The following CFAP299 variants were observed in gnomAD, a reference collection of about 807,000 sequenced individuals.
The protein encoded by CFAP299 is cilia and flagella associated protein 299.
In CFAP299, 21 loss-of-function variants were observed where a neutral mutation model predicts 27.0. The observed-to-expected ratio is 0.78, with a 90% confidence interval of 0.55 to 1.12. CFAP299 has a LOEUF of 1.12. CFAP299 is among the 50% of genes most tolerant of loss of function. The pLI is 0.00. For synonymous variants in CFAP299, 104 were observed against 98.1 expected (o/e 1.06, Z -0.36); for missense variants, 310 against 276.6 (o/e 1.12, Z -0.86).
At chr4:80,361,983 A>G (rs1003791273) in intron 1 of CFAP299, among the ~76,000 whole-genome samples, 4 of 152,122 alleles carry the variant, frequency 2.6e-5, no homozygotes, top group Non-Finnish European at 5.9e-5. Flanking sequence ...TAATCTTTAT[A>G]CTAATAACTT....
chr4:80,822,854 A>G (rs763786736), intron 3 of CFAP299, among the ~76,000 whole-genome samples: 1 of 152,172 alleles, frequency 6.6e-6, no homozygotes, highest in Non-Finnish European at 1.5e-5. Flanking sequence ...ACTGCACACT[A>G]TCTCTAAAAT....
chr4:80,684,408 C>T (rs756837107), intron 3 of CFAP299, among the ~76,000 whole-genome samples: 4 of 151,936 alleles, frequency 2.6e-5, no homozygotes, highest in Admixed American at 6.6e-5. Context: ...GGACTATAGG[C>T]GCCTGCTACC....
chr4:80,644,407 CAA>C lies in CFAP299; in HGVS notation c.333+61228_333+61229del, dbSNP rs1239041630. 7.9e-5 allele frequency among the ~76,000 whole-genome samples: 12 copies of C among 152,152 alleles called. No homozygotes were observed. In the East Asian group the frequency reaches 2.3e-3, roughly 29 times the overall value. On this transcript the variant is annotated intron_variant, in intron 3 of 5. Coordinates refer to ENST00000358105, the MANE Select transcript of CFAP299 (RefSeq NM_152770.3). The stretch of plus-strand genomic sequence containing the variant: ...CTTTTTTAAATTCAAGACTAAAAAT[CAA>C]AAACATCTAGAGACTCTGAAACACT...
chr4:80,344,796 GTC>G (rs1722642798), intron 1 of CFAP299, among the ~76,000 whole-genome samples: 2 of 152,198 alleles, frequency 1.3e-5, no homozygotes, highest in African/African-American at 4.8e-5. Context: ...ATCCATCACA[GTC>G]AAGTTGGCTT....
chr4:80,773,396 G>A (rs981139998), intron 3 of CFAP299, among the ~76,000 whole-genome samples: 5 of 152,044 alleles, frequency 3.3e-5, no homozygotes, highest in African/African-American at 4.8e-5. Context: ...GAGCAGACTA[G>A]TCCTATTAGC....
intron 2 of CFAP299, among the ~76,000 whole-genome samples, chr4:80,466,873 G>A (rs758451199): frequency 7.2e-5 from 11 of 152,178 alleles, no homozygotes; most frequent in Non-Finnish European, 1.3e-4. Flanking sequence ...AGAGATGTAT[G>A]CCAGTACCAA....
chr4:80,729,088 T>C (rs1308864420), intron 3 of CFAP299, among the ~76,000 whole-genome samples: 2 of 152,222 alleles, frequency 1.3e-5, no homozygotes, highest in African/African-American at 4.8e-5. Flanking sequence ...AGTATGTATC[T>C]GTCGCTCTGG....
chr4:80,385,336 TTTTG>T (rs1724911849), intron 2 of CFAP299, among the ~76,000 whole-genome samples: 1 of 152,200 alleles, frequency 6.6e-6, no homozygotes, highest in South Asian at 2.1e-4. Flanking sequence ...ATTTATTTTC[TTTTG>T]TTTTATTGTT....
chr4:80,869,859 T>A (rs1418218524), intron 3 of CFAP299, 134 bp from the exon 4 acceptor site: 1 of 830,336 alleles, frequency 1.2e-6, no homozygotes, highest in Admixed American at 2.9e-5. Flanking sequence ...CTGTTCAATG[T>A]TATAACCACT....
At chr4:80,664,441 G>A (rs1741035604) in intron 3 of CFAP299, among the ~76,000 whole-genome samples, 1 of 152,158 alleles carries the variant, frequency 6.6e-6, no homozygotes, top group Non-Finnish European at 1.5e-5. Flanking sequence ...GCCCTGCCCA[G>A]AGAGGAGGAA....
intron 2 of CFAP299, among the ~76,000 whole-genome samples, chr4:80,401,131 G>A (rs1345542969): frequency 1.7e-4 from 26 of 152,182 alleles, no homozygotes; most frequent in Non-Finnish European, 2.9e-5. Flanking sequence ...GTTTTATAAA[G>A]GAAGCAGAGC....
At chr4:80,517,207 A>G (rs1314360854) in intron 2 of CFAP299, among the ~76,000 whole-genome samples, 1 of 152,246 alleles carries the variant, frequency 6.6e-6, no homozygotes, top group East Asian at 1.9e-4. Context: ...AGCACTTTCT[A>G]AATTGTGGGG....
intron 3 of CFAP299, among the ~76,000 whole-genome samples, chr4:80,789,440 C>T (rs1351199655): frequency 2.6e-5 from 4 of 151,964 alleles, no homozygotes; most frequent in African/African-American, 9.7e-5. Flanking sequence ...CATTAGATAG[C>T]CTCATGAATT....
At chr4:80,800,231 TA>T (rs1278322663) in intron 3 of CFAP299, among the ~76,000 whole-genome samples, 2 of 73,968 alleles carry the variant, frequency 2.7e-5, no homozygotes, top group African/African-American at 5.6e-5. Flanking sequence ...TAATATATAA[TA>T]AATAATATAA....
chr4:80,423,221 G>A (rs190012241), intron 2 of CFAP299, among the ~76,000 whole-genome samples: 92 of 152,188 alleles, frequency 6.0e-4, no homozygotes, highest in African/African-American at 2.1e-3. Flanking sequence ...TCTACAAATC[G>A]AAACTGCCAT....
intron 4 of CFAP299, among the ~76,000 whole-genome samples, chr4:80,918,421 A>G (rs1735866421): frequency 6.6e-6 from 1 of 152,158 alleles, no homozygotes; most frequent in Non-Finnish European, 1.5e-5. Flanking sequence ...CCTACAAATG[A>G]CATTTATTCC....
intron 2 of CFAP299, among the ~76,000 whole-genome samples, chr4:80,414,158 C>T (rs1726882199): frequency 6.7e-6 from 1 of 148,754 alleles, no homozygotes; most frequent in Non-Finnish European, 1.5e-5. Context: ...GCAAGCTCCG[C>T]CTCCCGGGTT....
At chr4:80,890,353 A>T (rs1315066804) in intron 4 of CFAP299, among the ~76,000 whole-genome samples, 3 of 152,202 alleles carry the variant, frequency 2.0e-5, no homozygotes, top group African/African-American at 7.2e-5. Context: ...CTAAAAAAGA[A>T]ATAAAAAAGT....
chr4:80,628,158 G>C (rs1739011279), intron 3 of CFAP299, among the ~76,000 whole-genome samples: 1 of 151,998 alleles, frequency 6.6e-6, no homozygotes, highest in Non-Finnish European at 1.5e-5. Context: ...TTAAACAATA[G>C]AGAGCACAGA....
Sources: allele counts gnomAD v4.1 joint callset (sites outside exome capture counted in the v4.1 genomes callset), GRCh38; gene constraint gnomAD v4.1.1; transcripts MANE v1.5; gene names NCBI Gene and HGNC (gene_info 2026-07-23, HGNC 2026-07-21).